GALK2: variants seen among roughly 807,000 people sequenced by gnomAD.
GALK2 encodes galactokinase 2.
A neutral mutation model predicts 52.4 loss-of-function variants in GALK2; 36 were observed. That is an observed-to-expected ratio of 0.69 (90% CI 0.53 to 0.91). The LOEUF (loss-of-function observed/expected upper bound fraction) is 0.91, where lower values mean the gene tolerates loss of function less well. GALK2 is among the 40% of genes least tolerant of loss of function. The pLI is 0.00. For synonymous variants in GALK2, 176 were observed against 199.1 expected (o/e 0.88, Z 0.98); for missense variants, 579 against 559.1 (o/e 1.04, Z -0.36).
chr15:49,228,682 T>TATATATATATATATATATATATACATAC (rs1555409030), intron 3 of GALK2, among the ~76,000 whole-genome samples: 4 of 14,554 alleles, frequency 2.7e-4, no homozygotes, highest in African/African-American at 1.1e-3. Context: ...TATATATATA[T>TATATATATATATATATATATATACATAC]ATATATTTTT....
intron 1 of GALK2, among the ~76,000 whole-genome samples, chr15:49,200,156 G>A (rs1003358005): frequency 6.6e-6 from 1 of 152,100 alleles, no homozygotes; most frequent in Non-Finnish European, 1.5e-5. Context: ...TAATTTGAGA[G>A]TATCAAGTTA....
intron 9 of GALK2, among the ~76,000 whole-genome samples, chr15:49,325,755 T>A (rs373220700): frequency 6.6e-6 from 1 of 152,208 alleles, no homozygotes; most frequent in Non-Finnish European, 1.5e-5. Context: ...GACCATGTGA[T>A]TGATGCAATT....
At chr15:49,199,037 A>T (rs1299139201) in intron 1 of GALK2, 4 of 152,318 alleles carry the variant, frequency 2.6e-5, no homozygotes, top group African/African-American at 9.7e-5. Context: ...GCAACGTGAT[A>T]ATCCCTTGGC....
chr15:49,245,948 T>A (rs1413070154), intron 5 of GALK2, among the ~76,000 whole-genome samples: 1 of 152,198 alleles, frequency 6.6e-6, no homozygotes, highest in Non-Finnish European at 1.5e-5. Flanking sequence ...ATGTCTTCTG[T>A]ATTGACACCT....
At chr15:49,188,671 G>A (rs2086526702) in intron 1 of GALK2, among the ~76,000 whole-genome samples, 1 of 152,164 alleles carries the variant, frequency 6.6e-6, no homozygotes, top group Admixed American at 6.5e-5. Flanking sequence ...TGGTATTTCT[G>A]CAGGAGGATG....
At chr15:49,267,138 A>G (rs2092389530) in intron 5 of GALK2, among the ~76,000 whole-genome samples, 1 of 152,186 alleles carries the variant, frequency 6.6e-6, no homozygotes, top group African/African-American at 2.4e-5. Context: ...AGATTTTGCA[A>G]TGGGAGAGAG....
At chr15:49,336,044 G>A (rs1019775627), downstream of GALK2, among the ~76,000 whole-genome samples, 2 of 152,112 alleles carry the variant, frequency 1.3e-5, no homozygotes, top group African/African-American at 4.8e-5. Context: ...CTGGGCTCTA[G>A]CAATCCTCCT....
intron 3 of GALK2, chr15:49,366,546 G>A: frequency 6.4e-7 from 1 of 1,571,806 alleles, no homozygotes. Flanking sequence ...GACCAATGGG[G>A]GTTATAAAGC....
At chr15:49,355,713 A>C (rs2043038572) in intron 3 of GALK2, among the ~76,000 whole-genome samples, 1 of 151,016 alleles carries the variant, frequency 6.6e-6, no homozygotes, top group Admixed American at 6.6e-5. Flanking sequence ...AGGCAGGCCA[A>C]CGTTCAGATT....
chr15:49,344,416 T>C (rs1452789899), intron 3 of GALK2, among the ~76,000 whole-genome samples: 1 of 152,214 alleles, frequency 6.6e-6, no homozygotes, highest in African/African-American at 2.4e-5. Context: ...TGTACATACC[T>C]AAGGTGCTCT....
At chr15:49,314,150 A>T (rs1441869644) in intron 8 of GALK2, among the ~76,000 whole-genome samples, 1 of 152,256 alleles carries the variant, frequency 6.6e-6, no homozygotes, top group African/African-American at 2.4e-5. Flanking sequence ...GGTTCTGATC[A>T]TAAACTATGT....
At chr15:49,264,167 T>C (rs1297079143) in intron 5 of GALK2, among the ~76,000 whole-genome samples, 1 of 151,732 alleles carries the variant, frequency 6.6e-6, no homozygotes, top group Non-Finnish European at 1.5e-5. Context: ...CAGAGTGTTT[T>C]CCAACTTGGT....
Position 49,329,270 on chromosome 15 carries a change from G to A in GALK2, c.*1111G>A, listed in dbSNP as rs1197160115. On this transcript the variant is annotated 3_prime_UTR_variant, in exon 10 of 10. Transcript: ENST00000560031. ...CAAGAGTGGGCAGAAATGTTTGGCT[G>A]GTGATGGCAAATGACTGGCTTTCTC... 6.1e-6 allele frequency: 6 copies of A among 985,314 alleles called. No homozygotes were observed. The African/African-American group carries it at 1.0e-4, about 17-fold the overall frequency. The allele number at this position is 985,314 out of a possible 1,614,324, so 61.0% of individuals were successfully genotyped here.
intron 1 of GALK2, among the ~76,000 whole-genome samples, chr15:49,185,059 TG>T (rs1289463016): frequency 1.3e-5 from 2 of 152,146 alleles, no homozygotes; most frequent in Non-Finnish European, 2.9e-5. Flanking sequence ...TGCTGGGGTT[TG>T]GGGCCTGTAT....
At chr15:49,237,637 T>G (rs1213998800) in intron 4 of GALK2, among the ~76,000 whole-genome samples, 3 of 151,768 alleles carry the variant, frequency 2.0e-5, no homozygotes, top group Admixed American at 1.3e-4. Context: ...CCACCGCGCC[T>G]GGCTAATTTT....
chr15:49,220,595 C>T (rs1010443308), intron 3 of GALK2, among the ~76,000 whole-genome samples: 2 of 152,118 alleles, frequency 1.3e-5, no homozygotes, highest in Admixed American at 6.6e-5. Context: ...TGGATAAATA[C>T]GCAGTATTAG....
chr15:49,158,024 C>T (rs148228383), intron 1 of GALK2, among the ~76,000 whole-genome samples: 6 of 151,792 alleles, frequency 4.0e-5, no homozygotes, highest in Non-Finnish European at 7.4e-5. Flanking sequence ...AGTGGAGAAA[C>T]GCCTGGGGAG....
At chr15:49,198,394 T>G (rs2087428869) in intron 1 of GALK2, among the ~76,000 whole-genome samples, 1 of 152,202 alleles carries the variant, frequency 6.6e-6, no homozygotes, top group African/African-American at 2.4e-5. Flanking sequence ...AGTGCTGGGC[T>G]GGACACTGTT....
At chr15:49,263,849 G>T (rs917421294) in intron 5 of GALK2, among the ~76,000 whole-genome samples, 1 of 148,178 alleles carries the variant, frequency 6.7e-6, no homozygotes, top group African/African-American at 2.5e-5. Context: ...GGCTGGATAT[G>T]AAATTCTGGG....
Sources: gnomAD v4.1 joint callset for allele counts (sites outside exome capture counted in the v4.1 genomes callset) on GRCh38, gnomAD v4.1.1 for gene constraint, MANE v1.5 for transcripts, NCBI Gene and HGNC (gene_info 2026-07-23, HGNC 2026-07-21) for gene names.